The following UTRN variants were observed in gnomAD, a reference collection of about 807,000 sequenced individuals.
The protein encoded by UTRN is dystrophin-related protein 1.
A neutral mutation model predicts 463.9 loss-of-function variants in UTRN; 283 were observed. That is an observed-to-expected ratio of 0.61 (90% CI 0.55 to 0.67). The LOEUF is 0.67. UTRN is among the 30% of genes least tolerant of loss of function. The probability of loss-of-function intolerance (pLI) is 0.00; values close to 1 mark genes in which losing one functional copy is unlikely to be tolerated. For missense variants in UTRN, 3,922 were observed against 4,084.3 expected, an observed-to-expected ratio of 0.96 and a Z score of 1.08; for synonymous variants, 1,442 against 1,431.5, an observed-to-expected ratio of 1.01 and a Z score of -0.17.
At chr6:144,849,555 CAA>C (rs1167813054) in intron 74 of UTRN, among the ~76,000 whole-genome samples, 1 of 152,152 alleles carries the variant, frequency 6.6e-6, no homozygotes, top group Non-Finnish European at 1.5e-5. Flanking sequence ...TAACTCAATA[CAA>C]GAGGCCCCTT....
intron 54 of UTRN, among the ~76,000 whole-genome samples, chr6:144,738,301 G>C (rs751110238): frequency 3.3e-5 from 5 of 152,312 alleles, no homozygotes; most frequent in Non-Finnish European, 5.9e-5. Context: ...CTCAGTACCA[G>C]ATCAGAATTC....
At chr6:144,769,776 T>G (rs139124932) in intron 58 of UTRN, among the ~76,000 whole-genome samples, 11 of 152,286 alleles carry the variant, frequency 7.2e-5, no homozygotes, top group Admixed American at 2.0e-4. Flanking sequence ...GGGATTGAAA[T>G]TCCCTGAAAG....
At chr6:144,603,456 G>A (rs934367237) in intron 51 of UTRN, among the ~76,000 whole-genome samples, 1 of 152,042 alleles carries the variant, frequency 6.6e-6, no homozygotes, top group Non-Finnish European at 1.5e-5. Flanking sequence ...GTTAATTTGA[G>A]CATTTTATGC....
chr6:144,693,834 G>T (rs1783686976), intron 52 of UTRN, among the ~76,000 whole-genome samples: 1 of 152,166 alleles, frequency 6.6e-6, no homozygotes, highest in African/African-American at 2.4e-5. Context: ...CTTGTCACCT[G>T]CAAACAGATA....
chr6:144,453,792 A>C lies in UTRN; in HGVS notation c.2207A>C (p.Lys736Thr). Reference sequence around the variant, plus strand: ...GGACTTCATTTGCAGGCATTAGAAAAAGAACAGAGAGAAAGAATCCCCAGA... The same window carrying C: ...GGACTTCATTTGCAGGCATTAGAAACAGAACAGAGAGAAAGAATCCCCAGA... ...EMKKKLKALE[K>T]EQRERIPRAD... Residue 736 changes from lysine (K) to threonine (T), a missense_variant, in exon 19 of 75, where the codon AAA (lysine) becomes ACA (threonine). By Grantham distance (78) the Lys-to-Thr change is moderately conservative (BLOSUM62 -1). Transcript: ENST00000367545. 6.2e-7 allele frequency: 1 copy of C among 1,613,124 alleles called. No homozygotes were observed. The highest frequency in any genetic ancestry group is 1.1e-5 in the South Asian group (1 of 90,964).
chr6:144,762,568 T>C (rs905750017), intron 58 of UTRN, among the ~76,000 whole-genome samples: 2 of 152,216 alleles, frequency 1.3e-5, no homozygotes, highest in Non-Finnish European at 2.9e-5. Flanking sequence ...TCTAGATGTT[T>C]AAAGCAGTTT....
chr6:144,836,054 A>G (rs1225746011), intron 70 of UTRN, 116 bp downstream of exon 70: 3 of 1,483,692 alleles, frequency 2.0e-6, no homozygotes, highest in Non-Finnish European at 2.7e-6. Flanking sequence ...AGTGGAGTGA[A>G]AATTTTAGAG....
At chr6:144,402,960 G>A (rs777930526) in intron 2 of UTRN, among the ~76,000 whole-genome samples, 163 bp from the exon 3 acceptor site, 32 of 152,020 alleles carry the variant, frequency 2.1e-4, no homozygotes, top group African/African-American at 3.9e-4. Context: ...TAAGTGTACC[G>A]GGCAGTCATC....
At chr6:144,464,441 C>G (rs751770310) in intron 23 of UTRN, among the ~76,000 whole-genome samples, 2 of 151,468 alleles carry the variant, frequency 1.3e-5, no homozygotes, top group African/African-American at 2.4e-5. Flanking sequence ...AGATCTCATT[C>G]AAATAAACCA....
At chr6:144,423,879 C>G in intron 5 of UTRN, 107 bp from the exon 6 acceptor site, 1 of 1,149,392 alleles carries the variant, frequency 8.7e-7, no homozygotes, top group Non-Finnish European at 1.3e-6. Flanking sequence ...TTTCTCTTAT[C>G]TCTCACTTAT....
chr6:144,797,632 G>T, intron 63 of UTRN, 192 bp from the exon 64 acceptor site: 1 of 491,358 alleles, frequency 2.0e-6, no homozygotes, highest in Non-Finnish European at 3.3e-6. Flanking sequence ...GACAATTTCT[G>T]CTTTTTCTAC....
At chr6:144,533,429 C>T (rs762262395) in intron 43 of UTRN, among the ~76,000 whole-genome samples, 169 bp downstream of exon 43, 57 of 152,228 alleles carry the variant, frequency 3.7e-4, no homozygotes, top group Middle Eastern at 3.4e-3. Context: ...TTTAGGCTGT[C>T]CATAAAGTCT....
chr6:144,821,883 AATC>A (rs1345390749), intron 66 of UTRN, among the ~76,000 whole-genome samples: 1 of 152,120 alleles, frequency 6.6e-6, no homozygotes, highest in Non-Finnish European at 1.5e-5. Flanking sequence ...TTTTATTACT[AATC>A]ATCAACAGAG....
intron 51 of UTRN, chr6:144,583,154 C>G (rs1562605370): frequency 4.3e-6 from 1 of 230,882 alleles, no homozygotes; most frequent in East Asian, 8.9e-5. Flanking sequence ...ACTTAATATC[C>G]TCTTTGGCTA....
intron 2 of UTRN, among the ~76,000 whole-genome samples, chr6:144,305,533 T>C (rs1408291302): frequency 6.6e-6 from 1 of 152,140 alleles, no homozygotes; most frequent in East Asian, 1.9e-4. Context: ...TCCTTGGAAG[T>C]AGGATTTGAG....
intron 41 of UTRN, among the ~76,000 whole-genome samples, chr6:144,524,220 C>A (rs895413298): frequency 2.0e-5 from 3 of 152,024 alleles, no homozygotes; most frequent in African/African-American, 7.2e-5. Flanking sequence ...TACAAATTTT[C>A]TCTTTGTACC....
chr6:144,474,481 T>C, intron 24 of UTRN, 123 bp from the exon 25 acceptor site: 1 of 1,022,270 alleles, frequency 9.8e-7, no homozygotes, highest in South Asian at 2.0e-5. Flanking sequence ...CTTAAGTAGT[T>C]AGAAGTACTG....
chr6:144,761,330 A>T (rs1792646046), intron 58 of UTRN, among the ~76,000 whole-genome samples: 1 of 152,118 alleles, frequency 6.6e-6, no homozygotes, highest in African/African-American at 2.4e-5. Flanking sequence ...AGTATAGTGC[A>T]ATGAGAGCTC....
chr6:144,462,552 T>G, intron 22 of UTRN, 102 bp from the exon 23 acceptor site: 1 of 1,078,522 alleles, frequency 9.3e-7, no homozygotes, highest in Non-Finnish European at 1.3e-6. Context: ...AAATGCTTTC[T>G]AATGCATTTT....
Sources: allele counts gnomAD v4.1 joint callset (sites outside exome capture counted in the v4.1 genomes callset), GRCh38; gene constraint gnomAD v4.1.1; transcripts MANE v1.5; gene names NCBI Gene and HGNC (gene_info 2026-07-23, HGNC 2026-07-21).